Variants in DLGAP1 observed in about 807,000 individuals in gnomAD.
DLGAP1 encodes DLG associated protein 1.
In DLGAP1, 11 loss-of-function variants were observed where a neutral mutation model predicts 90.8. The observed-to-expected ratio is 0.12, with a 90% CI of 0.08 to 0.20. DLGAP1 has a LOEUF of 0.20. Among genes scored for constraint, DLGAP1 ranks in the 10% least tolerant of loss-of-function variants. DLGAP1 has a pLI of 1.00. For synonymous variants in DLGAP1, 558 were observed against 540.7 expected (o/e 1.03, Z -0.44); for missense variants, 1,050 against 1,333.8 (o/e 0.79, Z 3.31).
At chr18:4,149,594 C>T (rs544493031) in intron 2 of DLGAP1, among the ~76,000 whole-genome samples, 1 of 152,322 alleles carries the variant, frequency 6.6e-6, no homozygotes, top group African/African-American at 2.4e-5. Flanking sequence ...CTGGGCTGCA[C>T]AGCAGGAAGT....
chr18:3,605,806 A>C (rs1170304509), intron 7 of DLGAP1, among the ~76,000 whole-genome samples: 2 of 120,036 alleles, frequency 1.7e-5, no homozygotes, highest in Admixed American at 8.5e-5. Context: ...AAGGTCACGG[A>C]GCTTTTTAGC....
chr18:3,765,385 CT>C (rs1360096314), intron 5 of DLGAP1, among the ~76,000 whole-genome samples: 12 of 151,420 alleles, frequency 7.9e-5, no homozygotes, highest in Non-Finnish European at 2.9e-5. Context: ...CCACCTTGGC[CT>C]CCCAAAGTGC....
rs925884340 is a variant in DLGAP1 at position 3,825,676 on chromosome 18, A to G, written c.958-11403T>C. Among the ~76,000 whole-genome samples, 7 of 152,298 alleles carry G rather than the reference A, an allele frequency of 4.6e-5. No homozygotes were observed. The East Asian group carries it at 1.4e-3, about 29-fold the overall frequency. On this transcript the variant is annotated intron_variant, in intron 4 of 12. Transcript: ENST00000315677. The stretch of plus-strand genomic sequence containing the variant: ...TGTATCATGAAACAGGTGCTATTTT[A>G]GGTACTGGGGATACCGCAATTCACA...
intron 5 of DLGAP1, among the ~76,000 whole-genome samples, chr18:3,749,054 A>G (rs1015390465): frequency 2.6e-5 from 4 of 151,944 alleles, no homozygotes; most frequent in Admixed American, 6.6e-5. Flanking sequence ...GGTAATTCCA[A>G]TGGAAACTTG....
chr18:4,218,289 T>C (rs1296062595), intron 1 of DLGAP1, among the ~76,000 whole-genome samples: 1 of 151,982 alleles, frequency 6.6e-6, no homozygotes, highest in African/African-American at 2.4e-5. Flanking sequence ...CTATGCTGTG[T>C]TAATTATTGT....
At chr18:3,821,865 T>C (rs1470169720) in intron 4 of DLGAP1, 7 of 977,376 alleles carry the variant, frequency 7.2e-6, no homozygotes, top group Non-Finnish European at 7.3e-6. Flanking sequence ...TAAGCACTTT[T>C]AGTGGGCTCT....
chr18:4,047,656 CAT>C (rs1224660935), intron 2 of DLGAP1, among the ~76,000 whole-genome samples: 1 of 152,180 alleles, frequency 6.6e-6, no homozygotes. Flanking sequence ...TCTCAAGACA[CAT>C]ATTATCTTTA....
intron 2 of DLGAP1, among the ~76,000 whole-genome samples, chr18:4,018,268 C>T (rs1209773608): frequency 2.6e-5 from 4 of 152,156 alleles, no homozygotes; most frequent in Admixed American, 6.5e-5. Context: ...GGGAGGGGCA[C>T]GCTGGAGTCC....
At position 3,934,519 on chromosome 18, in the gene DLGAP1, G is replaced by A. The variant is rs2072591271; in HGVS notation, c.-72-54379C>T. On this transcript the variant is annotated intron_variant, in intron 3 of 12. Coordinates refer to ENST00000315677, the MANE Select transcript of DLGAP1 (RefSeq NM_004746.4). ...AGATAAGAAGAGTGGCAGACAGAGA[G>A]AGAGAGAGAGAATAATACGTATTAT... Among the ~76,000 whole-genome samples the A allele has an allele frequency of 2.0e-5, 3 of 152,168 alleles. No individual in the cohort carries two copies. In the South Asian group the frequency reaches 6.2e-4, roughly 32 times the overall value.
intron 7 of DLGAP1, among the ~76,000 whole-genome samples, chr18:3,662,454 G>A (rs1257978766): frequency 2.0e-5 from 3 of 152,182 alleles, no homozygotes; most frequent in Non-Finnish European, 4.4e-5. Context: ...TCATTTAACA[G>A]AAAGAAACCC....
intron 1 of DLGAP1, among the ~76,000 whole-genome samples, chr18:4,288,891 GATGC>G (rs1017891670): frequency 6.6e-6 from 1 of 152,150 alleles, no homozygotes; most frequent in Non-Finnish European, 1.5e-5. Context: ...GAGATAAAAT[GATGC>G]TAGAGGGAGG....
At chr18:4,221,281 T>G (rs759127263) in intron 1 of DLGAP1, among the ~76,000 whole-genome samples, 5 of 152,142 alleles carry the variant, frequency 3.3e-5, no homozygotes, top group Non-Finnish European at 7.4e-5. Flanking sequence ...CATTATCAAT[T>G]ATCTCCATTA....
At chr18:3,918,155 T>C (rs28546273) in intron 3 of DLGAP1, among the ~76,000 whole-genome samples, 18,277 of 152,236 alleles carry the variant, frequency 0.12, 2,057 homozygotes, top group African/African-American at 0.3. Flanking sequence ...CTTTGGTTCT[T>C]GCAATCATCT....
At chr18:3,995,880 A>G (rs1371426472) in intron 3 of DLGAP1, among the ~76,000 whole-genome samples, 2 of 152,184 alleles carry the variant, frequency 1.3e-5, no homozygotes, top group African/African-American at 4.8e-5. Flanking sequence ...GCTAAGCTGG[A>G]ATGATTTTTT....
At chr18:3,898,023 T>G (rs1230957627) in intron 3 of DLGAP1, among the ~76,000 whole-genome samples, 1 of 151,972 alleles carries the variant, frequency 6.6e-6, no homozygotes. Flanking sequence ...CTCGATCTCC[T>G]GACCTCGTGA....
At chr18:4,284,912 TGA>T (rs934804463) in intron 1 of DLGAP1, among the ~76,000 whole-genome samples, 3 of 152,236 alleles carry the variant, frequency 2.0e-5, no homozygotes, top group African/African-American at 7.2e-5. Flanking sequence ...TGCTGATTTC[TGA>T]GAGTCACTTT....
chr18:4,149,920 C>T (rs2144390938), intron 2 of DLGAP1, among the ~76,000 whole-genome samples: 1 of 152,332 alleles, frequency 6.6e-6, no homozygotes, highest in East Asian at 1.9e-4. Context: ...ATGGCTGGCA[C>T]AGCCCAGCAT....
intron 3 of DLGAP1, among the ~76,000 whole-genome samples, chr18:3,893,581 AAATAATAATAATAATAATAAT>A (rs57334634): frequency 1.4e-5 from 2 of 143,064 alleles, no homozygotes; most frequent in Non-Finnish European, 3.0e-5. Flanking sequence ...CTCAATCTCA[AAATAATAATAATAATAATAAT>A]AATAATAATA....
intron 3 of DLGAP1, among the ~76,000 whole-genome samples, chr18:3,926,161 G>C (rs1203507673): frequency 6.6e-6 from 1 of 152,194 alleles, no homozygotes; most frequent in Non-Finnish European, 1.5e-5. Context: ...CATTGTATAA[G>C]CCAGGTCTTC....
Sources: allele counts gnomAD v4.1 joint callset (sites outside exome capture counted in the v4.1 genomes callset), GRCh38; gene constraint gnomAD v4.1.1; transcripts MANE v1.5; gene names NCBI Gene and HGNC (gene_info 2026-07-23, HGNC 2026-07-21).